Variants in BRIX1 observed in about 807,000 individuals in gnomAD.
The protein encoded by BRIX1 is ribosome biogenesis protein BRX1 homolog.
Under a neutral mutation model 44.0 loss-of-function variants are expected in BRIX1, and 15 were observed. The ratio of observed to expected loss-of-function variants is 0.34; its 90% CI spans 0.23 to 0.53. The LOEUF (loss-of-function observed/expected upper bound fraction) is 0.53, where lower values mean the gene tolerates loss of function less well. BRIX1 is among the 20% of genes least tolerant of loss of function. BRIX1 has a pLI of 0.95. For synonymous variants in BRIX1, 149 were observed against 135.4 expected (o/e 1.10, Z -0.70); for missense variants, 420 against 432.8 (o/e 0.97, Z 0.26).
intron 8 of BRIX1, among the ~76,000 whole-genome samples, chr5:34,924,081 T>C (rs1327132681): frequency 6.6e-6 from 1 of 152,208 alleles, no homozygotes; most frequent in African/African-American, 2.4e-5. Context: ...AAAATGTAAT[T>C]GCTCTAGAAG....
At chr5:34,917,556 C>T (rs1764143842) in intron 1 of BRIX1, among the ~76,000 whole-genome samples, 1 of 152,072 alleles carries the variant, frequency 6.6e-6, no homozygotes, top group Admixed American at 6.5e-5. Context: ...AGGAGAATCG[C>T]TTGAACCCGG....
chr5:34,925,372 G>A lies in BRIX1; in HGVS notation c.939G>A (p.Glu313=). ...ATGTTTTTGTAACACCAGCTGAGGA[G>A]AAACCAATAGAAATACAGTGGGTAA... The part of the protein sequence containing the change: ...TADVFVTPAE[E]KPIEIQWVKP... Residue 313 remains glutamate, a synonymous_variant, in exon 10 of 10, where the codon GAG becomes GAA. Coordinates refer to ENST00000336767, the MANE Select transcript of BRIX1 (RefSeq NM_018321.4). The A allele has an allele frequency of 1.2e-6, 2 of 1,613,956 alleles. No individual in the cohort carries two copies. Among genetic ancestry groups the A allele is most frequent in the Middle Eastern group, 3.3e-4 (2 of 6,060 alleles).
intron 1 of BRIX1, chr5:34,916,308 A>C (rs1341864884): frequency 6.4e-6 from 1 of 155,744 alleles, no homozygotes; most frequent in Admixed American, 6.4e-5. Context: ...AGGGATCCTG[A>C]AGTACGTTAG....
chr5:34,925,042 A>G, intron 9 of BRIX1, 67 bp downstream of exon 9: 1 of 1,549,622 alleles, frequency 6.5e-7, no homozygotes, highest in Non-Finnish European at 8.7e-7. Context: ...GATTCTGTGA[A>G]GTAATTGCTG....
chr5:34,917,371 C>T (rs1328554325), intron 1 of BRIX1, among the ~76,000 whole-genome samples: 4 of 152,130 alleles, frequency 2.6e-5, no homozygotes, highest in Admixed American at 6.5e-5. Flanking sequence ...TGGTGGCTCA[C>T]GCCTGTAATC....
At position 34,922,984 on chromosome 5, in the gene BRIX1, T is replaced by C. The variant is rs1275048454; in HGVS notation, c.511-17T>C. The C allele has an allele frequency of 3.4e-6, 5 of 1,490,988 alleles. No individual in the cohort carries two copies. The African/African-American group carries it at 7.0e-5, about 21-fold the overall frequency. 92.4% of individuals were successfully genotyped at this position (1,490,988 alleles called of 1,614,324 possible). On this transcript the variant is annotated splice_polypyrimidine_tract_variant and intron_variant, in intron 6 of 9. Transcript: ENST00000336767. ...GGCAGTCTACTGTTAAATAATATGCTTACCTTATTTTTATAGGCTTTTGAT... is the reference window on the plus strand; with the variant it reads ...GGCAGTCTACTGTTAAATAATATGCCTACCTTATTTTTATAGGCTTTTGAT...
chr5:34,918,817 C>CTTTTTTTTTTT (rs34618448), intron 2 of BRIX1: 1 of 132,334 alleles, frequency 7.6e-6, no homozygotes, highest in Non-Finnish European at 1.6e-5. Flanking sequence ...CTTTTTGGGC[C>CTTTTTTTTTTT]TTTTTTTTTT....
intron 1 of BRIX1, among the ~76,000 whole-genome samples, chr5:34,917,404 C>T (rs936080493): frequency 2.6e-5 from 4 of 151,570 alleles, no homozygotes; most frequent in Non-Finnish European, 4.4e-5. Context: ...GAGGCCGAGG[C>T]GGGTGGATCA....
intron 4 of BRIX1, 60 bp from the exon 5 acceptor site, chr5:34,922,479 G>A (rs1580512918): frequency 9.6e-7 from 1 of 1,041,820 alleles, no homozygotes; most frequent in South Asian, 1.3e-5. Context: ...ATGGTGAATA[G>A]GTGGTAAGCA....
At chr5:34,923,587 T>A (rs942783816) in intron 8 of BRIX1, among the ~76,000 whole-genome samples, 7 of 152,170 alleles carry the variant, frequency 4.6e-5, no homozygotes, top group Non-Finnish European at 1.0e-4. Context: ...CTAATTTTTT[T>A]TTTTAGAGAT....
intron 9 of BRIX1, 43 bp downstream of exon 9, chr5:34,925,018 C>G: frequency 1.3e-6 from 2 of 1,578,730 alleles, no homozygotes; most frequent in South Asian, 2.3e-5. Context: ...GTACCAGAAC[C>G]CTTTGGCCAA....
intron 1 of BRIX1, among the ~76,000 whole-genome samples, chr5:34,917,088 G>C (rs959293486): frequency 4.6e-5 from 7 of 152,064 alleles, no homozygotes; most frequent in African/African-American, 1.7e-4. Flanking sequence ...CTGCATATCA[G>C]AGGAAGTGTA....
chr5:34,917,971 G>C (rs1764153031), intron 1 of BRIX1: 1 of 154,170 alleles, frequency 6.5e-6, no homozygotes, highest in East Asian at 1.9e-4. Flanking sequence ...TGAAATTAAA[G>C]GAGTCAGGAT....
intron 3 of BRIX1, chr5:34,920,227 T>C (rs1195402429): frequency 1.3e-5 from 2 of 157,492 alleles, no homozygotes; most frequent in African/African-American, 4.8e-5. Flanking sequence ...ATTAAACATA[T>C]ATATATATAA....
Position 34,925,466 on chromosome 5 carries a change from C to G in BRIX1, c.1033C>G (p.Gln345Glu). 2 of 1,613,642 alleles carry G rather than the reference C, an allele frequency of 1.2e-6. No individual in the cohort carries two copies. Among genetic ancestry groups the G allele is most frequent in the Non-Finnish European group, 1.7e-6 (2 of 1,179,914 alleles). Residue 345 changes from glutamine (Q) to glutamate (E), a missense_variant, in exon 10 of 10, where the codon CAG becomes GAG. Coordinates refer to ENST00000336767, the MANE Select transcript of BRIX1 (RefSeq NM_018321.4). ...RIYKRQRKMK[Q>E]RMDSGKTK ...TTACAAAAGGCAAAGAAAAATGAAACAGAGGATGGACAGTGGGAAAACAAA... is the reference window on the plus strand; with the variant it reads ...TTACAAAAGGCAAAGAAAAATGAAAGAGAGGATGGACAGTGGGAAAACAAA...
rs1382794517 is a variant in BRIX1 at position 34,924,955 on chromosome 5, C to T, written c.772C>T (p.His258Tyr). The change falls in exon 9 of 10, where the codon CAC (histidine) becomes TAC (tyrosine). Residue 258 changes from histidine (H) to tyrosine (Y), a missense_variant. By Grantham distance (83) the His-to-Tyr change is moderately conservative. Coordinates refer to ENST00000336767, the MANE Select transcript of BRIX1 (RefSeq NM_018321.4). ...AGGACCAACTTTATATGAAAATCCT[C>T]ACTACCAGTCACCAAACATGGTAAG... ...FGGPTLYENP[H>Y]YQSPNMHRRV... The T allele has an allele frequency of 2.5e-6, 4 of 1,613,314 alleles. No individual in the cohort carries two copies. The highest frequency in any genetic ancestry group is 3.3e-5 in the Admixed American group (2 of 60,012).
In BRIX1 at chr5:34,915,830, A is replaced by G. The variant is rs1313314518; in HGVS notation, c.92A>G (p.Lys31Arg). 2.8e-5 allele frequency: 44 copies of G among 1,573,272 alleles called. No individual in the cohort carries two copies. The highest frequency in any genetic ancestry group is 3.5e-5 in the Non-Finnish European group (41 of 1,159,272). ...RNEIDAEPPA[K>R]RHATAEEVEE... Reference sequence around the variant, plus strand: ...GAAATAGATGCGGAGCCGCCAGCTAAGCGGCACGCCACAGCAGAGGAGGTG... The same window carrying G: ...GAAATAGATGCGGAGCCGCCAGCTAGGCGGCACGCCACAGCAGAGGAGGTG... Residue 31 changes from lysine to arginine, a missense_variant, in exon 1 of 10, where the codon AAG becomes AGG. Lys to Arg is a conservative substitution (Grantham distance 26). Coordinates refer to ENST00000336767, the MANE Select transcript of BRIX1 (RefSeq NM_018321.4).
Position 34,918,492 on chromosome 5 carries a change from T to A in BRIX1, c.271+17T>A. 7.0e-7 allele frequency: 1 copy of A among 1,422,904 alleles called. No homozygotes were observed. The highest frequency in any genetic ancestry group is 9.6e-7 in the Non-Finnish European group (1 of 1,045,440). The allele number at this position is 1,422,904 out of a possible 1,614,324, so 88.1% of individuals were successfully genotyped here. ...CTAAAGCAGGTGCCTTTATATCATA[T>A]ACTTTAGAAATTTCTATCTATAAAC... On this transcript the variant is annotated intron_variant, in intron 2 of 9. Coordinates refer to ENST00000336767, the MANE Select transcript of BRIX1 (RefSeq NM_018321.4).
rs1313523973 is a variant in BRIX1 at position 34,922,560 on chromosome 5, A to T, written c.408A>T (p.Gly136=). 12 of 1,609,542 alleles carry T rather than the reference A, an allele frequency of 7.5e-6. No homozygotes were observed. Among genetic ancestry groups the T allele is most frequent in the Non-Finnish European group, 9.4e-6 (11 of 1,176,256 alleles). The stretch of plus-strand genomic sequence containing the variant: ...TCAGGCTTTCAAATTCACCTCACGG[A>T]CCATCTGCTAAATTCCTTGTTCAAA... ...LYMWLSNSPH[G]PSAKFLVQNI... Residue 136 remains glycine, a synonymous_variant, in exon 5 of 10, where the codon GGA becomes GGT. Coordinates refer to ENST00000336767, the MANE Select transcript of BRIX1 (RefSeq NM_018321.4).
Sources: gnomAD v4.1 joint callset for allele counts (sites outside exome capture counted in the v4.1 genomes callset) on GRCh38, gnomAD v4.1.1 for gene constraint, MANE v1.5 for transcripts, NCBI Gene and HGNC (gene_info 2026-07-23, HGNC 2026-07-21) for gene names.